The following ADPRHL1 variants were observed in gnomAD, a reference collection of about 807,000 sequenced individuals.
ADPRHL1 encodes inactive ADP-ribosyltransferase ARH2.
A neutral mutation model predicts 44.1 loss-of-function variants in ADPRHL1; 43 were observed. The observed-to-expected ratio is 0.98, with a 90% CI of 0.76 to 1.26. The LOEUF (loss-of-function observed/expected upper bound fraction) is 1.26, where lower values mean the gene tolerates loss of function less well. Ranked by LOEUF, ADPRHL1 falls within the 50% of genes most tolerant of loss-of-function variation. The pLI is 0.00. For missense variants in ADPRHL1, 2,022 were observed against 2,496.9 expected (o/e 0.81, Z 4.05); for synonymous variants, 878 against 1,017.4 (o/e 0.86, Z 2.61).
Position 113,403,825 on chromosome 13 carries a change from C to A in ADPRHL1, c.5457G>T (p.Glu1819Asp). 1 of 1,235,378 alleles carries A rather than the reference C, an allele frequency of 8.1e-7. No individual in the cohort carries two copies. 76.5% of individuals were successfully genotyped at this position (1,235,378 alleles called of 1,614,324 possible). The part of the protein sequence containing the change: ...LTSGMAPRAW[E>D]QPISGIAEGV... The stretch of plus-strand genomic sequence containing the variant: ...CCTCAGCTATGCCACTAATGGGCTG[C>A]TCCCAGGCCCGAGGCGCCATCCCAC... Residue 1819 changes from glutamate (E) to aspartate (D), a missense_variant, in exon 8 of 8, where the codon GAG becomes GAT. This residue lies in a region of ADPRHL1 where 205 missense variants were observed against 250.1 expected (regional missense o/e 0.82). Coordinates refer to ENST00000612156, the MANE Select transcript of ADPRHL1 (RefSeq NM_001394807.1).
rs113966977 is a variant in ADPRHL1, at chr13:113,441,949, T to C, written c.379+2476A>G. Reference sequence around the variant, plus strand: ...CGTGCTGGTCCGTGTCTCTGTCACGTTGTGTCCCGCCACGCGGCGTCCGCG... The same window carrying C: ...CGTGCTGGTCCGTGTCTCTGTCACGCTGTGTCCCGCCACGCGGCGTCCGCG... On this transcript the variant is annotated intron_variant, in intron 2 of 7. Transcript: ENST00000612156. The surrounding 1 kb of genome is among the most constrained non-coding windows in gnomAD (Gnocchi z 6.0). Among the ~76,000 whole-genome samples, 98 of 152,236 alleles carry C rather than the reference T, an allele frequency of 6.4e-4. No individual in the cohort carries two copies. The highest frequency in any genetic ancestry group is 1.3e-3 in the Non-Finnish European group (88 of 68,030).
At chr13:113,447,390 GT>G (rs1336125541) in intron 1 of ADPRHL1, among the ~76,000 whole-genome samples, 1 of 150,902 alleles carries the variant, frequency 6.6e-6, no homozygotes, top group Admixed American at 6.6e-5. Context: ...AAGGTGTTGT[GT>G]GTGCATGGCG....
chr13:113,444,643 C>A, intron 1 of ADPRHL1, 54 bp from the exon 2 acceptor site: 2 of 1,580,736 alleles, frequency 1.3e-6, no homozygotes, highest in South Asian at 1.1e-5. Flanking sequence ...TGAACTGTGG[C>A]CTCCCTCCCG....
In ADPRHL1 at chr13:113,407,775, T is replaced by A; in HGVS notation, c.1507A>T (p.Lys503Ter). 1 of 1,232,132 alleles carries A rather than the reference T, an allele frequency of 8.1e-7. No individual in the cohort carries two copies. Among genetic ancestry groups the A allele is most frequent in the Non-Finnish European group, 1.0e-6 (1 of 988,082 alleles). The allele number at this position is 1,232,132 out of a possible 1,614,324, so 76.3% of individuals were successfully genotyped here. A position where few individuals can be genotyped will look rare whatever the true frequency, so the allele number is the denominator to read the frequency against. ...GCCAAGAATATCTTCAGGATGTTTT[T>A]CACGGTGCTCTTCCCGGCCGGGTGG... ...WGHPAGKSTV[K>*]NILKIFLAAE... The change falls in exon 8 of 8, where the codon AAA becomes TAA. Residue 503 changes from lysine (K) to a stop codon, truncating the protein, a stop_gained. Transcript: ENST00000612156. LOFTEE classifies it low-confidence loss of function (END_TRUNC).
chr13:113,426,746 A>C (rs2043971505), intron 4 of ADPRHL1, among the ~76,000 whole-genome samples: 1 of 152,374 alleles, frequency 6.6e-6, no homozygotes, highest in Middle Eastern at 3.4e-3. Flanking sequence ...ACAGGGCCTG[A>C]AACTCCGGGT....
intron 7 of ADPRHL1, among the ~76,000 whole-genome samples, chr13:113,410,257 C>T (rs1466819018): frequency 1.3e-5 from 2 of 152,156 alleles, no homozygotes; most frequent in Admixed American, 6.5e-5. Flanking sequence ...GTGTGCCGTT[C>T]GCCCCCAAAC....
At chr13:113,424,510 A>G (rs1005588066) in intron 5 of ADPRHL1, among the ~76,000 whole-genome samples, 161 bp from the exon 6 acceptor site, 1 of 152,046 alleles carries the variant, frequency 6.6e-6, no homozygotes, top group Non-Finnish European at 1.5e-5. Context: ...GTTGGAGTGC[A>G]ATGATACAAT....
At chr13:113,447,290 GTGT>G (rs1475701961) in intron 1 of ADPRHL1, among the ~76,000 whole-genome samples, 1 of 138,890 alleles carries the variant, frequency 7.2e-6, no homozygotes, top group Non-Finnish European at 1.6e-5. Context: ...TACACGCACG[GTGT>G]TGTGTGTGCA....
At position 113,453,417 on chromosome 13, in the gene ADPRHL1, C is replaced by T. The variant is rs145596803; in HGVS notation, c.21G>A (p.Ala7=). 3.3e-5 allele frequency: 54 copies of T among 1,614,150 alleles called. No homozygotes were observed. The Admixed American group carries it at 6.7e-4, about 20-fold the overall frequency. Residue 7 remains alanine, a synonymous_variant, in exon 1 of 8, where the codon GCG becomes GCA. Coordinates refer to ENST00000612156, the MANE Select transcript of ADPRHL1 (RefSeq NM_001394807.1). The surrounding 1 kb of genome is among the most constrained non-coding windows in gnomAD (Gnocchi z 5.4). MEKFKA[A]MLLGSVGDAL... Reference sequence around the variant, plus strand: ...CATCGCCGACGCTCCCCAGCAACATCGCAGCCTTAAATTTCTCCATCCCAG... The same window carrying T: ...CATCGCCGACGCTCCCCAGCAACATTGCAGCCTTAAATTTCTCCATCCCAG...
chr13:113,406,520 C>G lies in ADPRHL1; in HGVS notation c.2762G>C (p.Arg921Pro), dbSNP rs1003765361. Residue 921 changes from arginine (R) to proline (P), a missense_variant, in exon 8 of 8, where the codon CGG becomes CCG. Physicochemically the swap from Arg to Pro is moderately radical, Grantham distance 103 (BLOSUM62 -2). This residue lies in a region of ADPRHL1 where 1,221 missense variants were observed against 1,517.8 expected (regional missense o/e 0.80). Coordinates refer to ENST00000612156, the MANE Select transcript of ADPRHL1 (RefSeq NM_001394807.1). Reference protein sequence around the residue: ...GLSASSPQGPRAAPRLAAARG... With the variant: ...GLSASSPQGPPAAPRLAAARG... ...TGCTGCTGCCAGACGCGGAGCTGCC[C>G]GTGGCCCCTGCGGCGAAGAGGCGCT... 3 of 1,231,924 alleles carry G rather than the reference C, an allele frequency of 2.4e-6. No homozygotes were observed. The highest frequency in any genetic ancestry group is 3.0e-6 in the Non-Finnish European group (3 of 988,024). 76.3% of individuals were successfully genotyped at this position (1,231,924 alleles called of 1,614,324 possible).
rs1232450189 is a variant in ADPRHL1, at chr13:113,435,960, T to G, written c.380-2093A>C. On this transcript the variant is annotated intron_variant, in intron 2 of 7. Transcript: ENST00000612156. ...ACCTGGCACCCAGGTGCAGGGTGAA[T>G]ACAGGTGTACCCCGGGACCCAGCAC... Among the ~76,000 whole-genome samples, 3 of 63,806 alleles carry G rather than the reference T, an allele frequency of 4.7e-5. 1 individual carries two copies. The highest frequency in any genetic ancestry group is 1.0e-3 in the South Asian group (2 of 2,000). 41.9% of individuals were successfully genotyped at this position (63,806 alleles called of 152,430 possible). A position where few individuals can be genotyped will look rare whatever the true frequency, so the allele number is the denominator to read the frequency against.
chr13:113,423,081 G>A, intron 6 of ADPRHL1, 102 bp from the exon 7 acceptor site: 1 of 1,492,104 alleles, frequency 6.7e-7, no homozygotes, highest in South Asian at 1.3e-5. Context: ...CCCCAATTCT[G>A]CTGGGGGCAG....
intron 1 of ADPRHL1, among the ~76,000 whole-genome samples, chr13:113,451,309 CTTGTT>C (rs1207273721): frequency 6.6e-6 from 1 of 152,112 alleles, no homozygotes; most frequent in Admixed American, 6.5e-5. Context: ...TATAACTATT[CTTGTT>C]TTATTATACT....
intron 2 of ADPRHL1, among the ~76,000 whole-genome samples, chr13:113,436,900 G>A (rs1440479525): frequency 1.4e-5 from 2 of 147,036 alleles, no homozygotes; most frequent in Non-Finnish European, 3.0e-5. Context: ...TGTACCCTGT[G>A]ACCCAGCACC....
intron 2 of ADPRHL1, among the ~76,000 whole-genome samples, chr13:113,440,696 C>T (rs1042036362): frequency 3.3e-5 from 5 of 152,040 alleles, no homozygotes; most frequent in Non-Finnish European, 5.9e-5. Context: ...CTCAGATGAT[C>T]CACCCGCCTT....
intron 1 of ADPRHL1, among the ~76,000 whole-genome samples, chr13:113,444,950 A>G (rs2044126732): frequency 6.6e-6 from 1 of 152,110 alleles, no homozygotes; most frequent in South Asian, 2.1e-4. Flanking sequence ...TAATGGTTCC[A>G]TCTATGTGGC....
intron 1 of ADPRHL1, among the ~76,000 whole-genome samples, chr13:113,448,399 G>C (rs1419255945): frequency 6.9e-6 from 1 of 145,342 alleles, no homozygotes; most frequent in Non-Finnish European, 1.5e-5. Context: ...TCAGGAGGTG[G>C]AGGTTGCAGT....
rs1211740073 is a variant in ADPRHL1 at position 113,406,678 on chromosome 13, G to C, written c.2604C>G (p.Asn868Lys). The C allele has an allele frequency of 3.3e-6, 4 of 1,225,344 alleles. No homozygotes were observed. Among genetic ancestry groups the C allele is most frequent in the Admixed American group, 8.6e-5 (2 of 23,278 alleles). The allele number at this position is 1,225,344 out of a possible 1,614,324, so 75.9% of individuals were successfully genotyped here. Reference sequence around the variant, plus strand: ...TCTCTCCTCCACAAATACAAGGTTTGTTTTCACCACTTGACATATTTTGCA... The same window carrying C: ...TCTCTCCTCCACAAATACAAGGTTTCTTTTCACCACTTGACATATTTTGCA... ...TRLQNMSSGE[N>K]KPCICGGENV... The change falls in exon 8 of 8, where the codon AAC (asparagine) becomes AAG (lysine). Residue 868 changes from asparagine (N) to lysine (K), a missense_variant. Coordinates refer to ENST00000612156, the MANE Select transcript of ADPRHL1 (RefSeq NM_001394807.1).
At chr13:113,415,355 A>G (rs1339590747) in intron 7 of ADPRHL1, among the ~76,000 whole-genome samples, 1 of 152,228 alleles carries the variant, frequency 6.6e-6, no homozygotes, top group Admixed American at 6.5e-5. Context: ...TCCATGGCCC[A>G]GCTGCTCTAC....
Sources: allele counts gnomAD v4.1 joint callset (sites outside exome capture counted in the v4.1 genomes callset), GRCh38; gene constraint gnomAD v4.1.1; regional missense constraint gnomAD v4.1.1; non-coding constraint Gnocchi (gnomAD v3.1); transcripts MANE v1.5; gene names NCBI Gene and HGNC (gene_info 2026-07-23, HGNC 2026-07-21).